Variants in SAMD3 observed in about 807,000 individuals in gnomAD.
SAMD3 encodes sterile alpha motif domain-containing protein 3.
Under a neutral mutation model 58.5 loss-of-function variants are expected in SAMD3, and 63 were observed. The observed-to-expected ratio is 1.08, with a 90% CI of 0.88 to 1.33. SAMD3 has a LOEUF of 1.33. SAMD3 is among the 40% of genes most tolerant of loss of function. The probability of loss-of-function intolerance (pLI) is 0.00; values close to 1 mark genes in which losing one functional copy is unlikely to be tolerated. For synonymous variants in SAMD3, 220 were observed against 210.3 expected, an observed-to-expected ratio of 1.05 and a Z score of -0.40; for missense variants, 604 against 608.4, an observed-to-expected ratio of 0.99 and a Z score of 0.08.
At chr6:130,320,374 A>C (rs941830324) in intron 1 of SAMD3, among the ~76,000 whole-genome samples, 6 of 152,212 alleles carry the variant, frequency 3.9e-5, no homozygotes, top group African/African-American at 1.4e-4. Context: ...ACGTATTAGA[A>C]TGGCTAAAAT....
At chr6:130,345,219 A>G (rs1777407403) in intron 1 of SAMD3, among the ~76,000 whole-genome samples, 1 of 152,180 alleles carries the variant, frequency 6.6e-6, no homozygotes, top group Non-Finnish European at 1.5e-5. Context: ...AGTATTAGAT[A>G]CTTGTGTGGA....
intron 2 of SAMD3, among the ~76,000 whole-genome samples, chr6:130,290,128 A>AGGGTTCTCC (rs1775315748): frequency 1.3e-5 from 2 of 151,798 alleles, no homozygotes; most frequent in South Asian, 4.2e-4. Flanking sequence ...TGTATTAGTC[A>AGGGTTCTCC]GGGTTCTCCA....
intron 5 of SAMD3, among the ~76,000 whole-genome samples, chr6:130,206,592 C>T (rs1795100689): frequency 6.6e-6 from 1 of 152,166 alleles, no homozygotes; most frequent in South Asian, 2.1e-4. Flanking sequence ...CAAATATATA[C>T]TAAGGCAGGA....
At chr6:130,361,603 A>C (rs974203514) in intron 1 of SAMD3, among the ~76,000 whole-genome samples, 1 of 152,274 alleles carries the variant, frequency 6.6e-6, no homozygotes, top group African/African-American at 2.4e-5. Flanking sequence ...AAAATTGTTA[A>C]GAAAAACCTT....
At chr6:130,337,609 T>C (rs1029376955) in intron 1 of SAMD3, among the ~76,000 whole-genome samples, 15 of 152,170 alleles carry the variant, frequency 9.9e-5, no homozygotes, top group African/African-American at 3.6e-4. Context: ...TGGGGAAGTT[T>C]GGAACTTCTT....
At position 130,209,602 on chromosome 6, in the gene SAMD3, C is replaced by T; in HGVS notation, c.276G>A (p.Arg92=). ...TGGCTGGACTGGAGGACTCTTCATC[C>T]CTGTAACTAAGAAAGAAGAGGTGGG... is the stretch of plus-strand genomic sequence containing the variant. ...VMQTEAARDY[R]DEESSSPARH... is the part of the protein sequence containing the mutation. The change falls in exon 5 of 12, where the codon AGG becomes AGA. Residue 92 remains arginine, a synonymous_variant. Coordinates refer to ENST00000439090, the MANE Select transcript of SAMD3 (RefSeq NM_001017373.4). 1 of 1,605,914 alleles carries T rather than the reference C, an allele frequency of 6.2e-7. No homozygotes were observed. Among genetic ancestry groups the T allele is most frequent in the Non-Finnish European group, 8.5e-7 (1 of 1,172,894 alleles).
At chr6:130,257,735 A>G (rs959686964) in intron 2 of SAMD3, among the ~76,000 whole-genome samples, 1 of 152,214 alleles carries the variant, frequency 6.6e-6, no homozygotes, top group African/African-American at 2.4e-5. Context: ...AATTTTAAGT[A>G]TACAACTTGA....
At chr6:130,348,788 C>T (rs905639590) in intron 1 of SAMD3, among the ~76,000 whole-genome samples, 6 of 152,184 alleles carry the variant, frequency 3.9e-5, no homozygotes, top group Admixed American at 1.3e-4. Context: ...CTTTTCAGCA[C>T]CACACCACAC....
intron 2 of SAMD3, among the ~76,000 whole-genome samples, chr6:130,258,623 T>G (rs1487348743): frequency 6.6e-6 from 1 of 151,804 alleles, no homozygotes; most frequent in Non-Finnish European, 1.5e-5. Context: ...CACAAAAGAG[T>G]CTTTATGCTC....
chr6:130,148,517 A>G (rs924672480), intron 9 of SAMD3, among the ~76,000 whole-genome samples: 1 of 152,036 alleles, frequency 6.6e-6, no homozygotes, highest in Non-Finnish European at 1.5e-5. Flanking sequence ...TTTGCCCCCA[A>G]CCCTGTAGTG....
chr6:130,309,022 T>C lies in SAMD3; in HGVS notation c.-188+3956A>G, dbSNP rs1776045411. Reference sequence around the variant, plus strand: ...TGAATGGCAAAATCCACACTCATATTTGATCTCTGATAATAAGGTTTGGCT... The same window carrying C: ...TGAATGGCAAAATCCACACTCATATCTGATCTCTGATAATAAGGTTTGGCT... On this transcript the variant is annotated intron_variant, in intron 2 of 13. Transcript: ENST00000368134. Among the ~76,000 whole-genome samples the C allele has an allele frequency of 1.3e-5, 2 of 152,170 alleles. 1 individual carries two copies. Among genetic ancestry groups the C allele is most frequent in the South Asian group, 4.1e-4 (2 of 4,828 alleles).
intron 2 of SAMD3, among the ~76,000 whole-genome samples, chr6:130,311,424 G>C (rs1329627078): frequency 6.6e-6 from 1 of 152,144 alleles, no homozygotes; most frequent in Non-Finnish European, 1.5e-5. Flanking sequence ...ACACTCTCAT[G>C]GTTCTGTGTG....
chr6:130,279,487 CTTTTT>C (rs397886882), intron 2 of SAMD3, among the ~76,000 whole-genome samples: 2 of 123,374 alleles, frequency 1.6e-5, no homozygotes, highest in Admixed American at 8.6e-5. Flanking sequence ...TCAATTAAAC[CTTTTT>C]TTTTTTTTTT....
chr6:130,321,837 G>A (rs1776596309), intron 1 of SAMD3, among the ~76,000 whole-genome samples: 1 of 152,046 alleles, frequency 6.6e-6, no homozygotes, highest in African/African-American at 2.4e-5. Flanking sequence ...CTATAAGGCA[G>A]GCTCCTTTTA....
chr6:130,233,926 T>C (rs1796614642), intron 2 of SAMD3, among the ~76,000 whole-genome samples: 1 of 152,246 alleles, frequency 6.6e-6, no homozygotes, highest in Non-Finnish European at 1.5e-5. Context: ...CAATGCTGCA[T>C]ATGTCATTTA....
intron 1 of SAMD3, among the ~76,000 whole-genome samples, chr6:130,334,506 G>A (rs114581184): frequency 0.019 from 2,940 of 152,244 alleles, 91 homozygotes; most frequent in African/African-American, 0.066. Flanking sequence ...AAACAGCAAC[G>A]GCTTTAAAAT....
At chr6:130,245,603 A>G (rs1252049523) in intron 2 of SAMD3, among the ~76,000 whole-genome samples, 1 of 152,226 alleles carries the variant, frequency 6.6e-6, no homozygotes, top group Non-Finnish European at 1.5e-5. Flanking sequence ...CTGAGTGCAC[A>G]TTGGTGGCCG....
At chr6:130,180,743 A>G (rs1406445451) in intron 7 of SAMD3, among the ~76,000 whole-genome samples, 4 of 152,104 alleles carry the variant, frequency 2.6e-5, no homozygotes, top group East Asian at 1.9e-4. Context: ...ACAGAGTGCT[A>G]CTCACACCTA....
chr6:130,315,358 A>C (rs1776326914), intron 1 of SAMD3, among the ~76,000 whole-genome samples: 1 of 152,176 alleles, frequency 6.6e-6, no homozygotes, highest in Admixed American at 6.5e-5. Context: ...TTTCATAAGA[A>C]CCAGTGAATG....
Sources: gnomAD v4.1 joint callset for allele counts (sites outside exome capture counted in the v4.1 genomes callset) on GRCh38, gnomAD v4.1.1 for gene constraint, MANE v1.5 for transcripts, NCBI Gene and HGNC (gene_info 2026-07-23, HGNC 2026-07-21) for gene names.